SORCS2: variants seen among roughly 807,000 people sequenced by gnomAD.
SORCS2 encodes the protein VPS10 domain-containing receptor SorCS2.
In SORCS2, 100 loss-of-function variants were observed where a neutral mutation model predicts 141.6. That is an observed-to-expected ratio of 0.71 (90% CI 0.60 to 0.83). The LOEUF is 0.83. SORCS2 is among the 40% of genes least tolerant of loss of function. The pLI is 0.00. For synonymous variants in SORCS2, 789 were observed against 676.9 expected (o/e 1.17, Z -2.57); for missense variants, 1,646 against 1,560.2 (o/e 1.05, Z -0.93).
rs549426234 is a variant in SORCS2 at position 7,681,727 on chromosome 4, G to A, written c.1342-1016G>A. Reference sequence around the variant, plus strand: ...CTCCCCATAAGGACCTGCTGGAGTTGTGAGAATTCAGTGAGAGGACACATT... The same window carrying A: ...CTCCCCATAAGGACCTGCTGGAGTTATGAGAATTCAGTGAGAGGACACATT... On this transcript the variant is annotated intron_variant, in intron 9 of 26. Coordinates refer to ENST00000507866, the MANE Select transcript of SORCS2 (RefSeq NM_020777.3). Among the ~76,000 whole-genome samples, 45 of 152,328 alleles carry A rather than the reference G, an allele frequency of 3.0e-4. No individual in the cohort carries two copies. The Middle Eastern group carries it at 0.01, about 35-fold the overall frequency.
chr4:7,714,512 C>T, intron 16 of SORCS2, 139 bp downstream of exon 16: 1 of 933,950 alleles, frequency 1.1e-6, no homozygotes, highest in East Asian at 2.7e-5. Context: ...ACTGCCACTT[C>T]TGCCTCATTC....
rs937731164 is a variant in SORCS2, at chr4:7,289,475, A to G, written c.480+96349A>G. Among the ~76,000 whole-genome samples, 7 of 152,164 alleles carry G rather than the reference A, an allele frequency of 4.6e-5. No homozygotes were observed. In the South Asian group the frequency reaches 1.0e-3, roughly 23 times the overall value. On this transcript the variant is annotated intron_variant, in intron 1 of 26. Transcript: ENST00000507866. ...AGCACTGAGTGGGTGCTCAGTCAATATCTGCTGATAGGATACAGGCTCCTA... is the reference window on the plus strand; with the variant it reads ...AGCACTGAGTGGGTGCTCAGTCAATGTCTGCTGATAGGATACAGGCTCCTA...
At chr4:7,656,493 G>T (rs916808998) in intron 5 of SORCS2, among the ~76,000 whole-genome samples, 1 of 152,190 alleles carries the variant, frequency 6.6e-6, no homozygotes, top group African/African-American at 2.4e-5. Flanking sequence ...TGAGGCTCGG[G>T]CACGCATTCT....
intron 15 of SORCS2, among the ~76,000 whole-genome samples, chr4:7,713,767 G>A (rs1010705382): frequency 1.3e-5 from 2 of 152,188 alleles, no homozygotes; most frequent in African/African-American, 2.4e-5. Flanking sequence ...CCTAGGAGGA[G>A]GTTTAGGAGC....
At chr4:7,586,505 ATG>A (rs1157506090) in intron 3 of SORCS2, among the ~76,000 whole-genome samples, 3 of 151,872 alleles carry the variant, frequency 2.0e-5, no homozygotes, top group Non-Finnish European at 2.9e-5. Context: ...AGGCCTCTAT[ATG>A]TGTTATTTCC....
chr4:7,259,262 AG>A (rs1385269435), intron 1 of SORCS2, among the ~76,000 whole-genome samples: 2 of 152,220 alleles, frequency 1.3e-5, no homozygotes, highest in Admixed American at 6.5e-5. Context: ...TCAATTAAAA[AG>A]TGATGCAATC....
chr4:7,282,401 G>A (rs1240800140), intron 1 of SORCS2, among the ~76,000 whole-genome samples: 1 of 152,214 alleles, frequency 6.6e-6, no homozygotes, highest in Admixed American at 6.5e-5. Context: ...CAATGCATAA[G>A]CCTGTATAAT....
At chr4:7,421,620 T>C (rs1325846765) in intron 2 of SORCS2, among the ~76,000 whole-genome samples, 2 of 152,046 alleles carry the variant, frequency 1.3e-5, no homozygotes, top group East Asian at 3.9e-4. Context: ...CCCCCATAAC[T>C]CCCTTTGTGT....
chr4:7,564,328 G>A, intron 3 of SORCS2, among the ~76,000 whole-genome samples: 1 of 152,188 alleles, frequency 6.6e-6, no homozygotes, highest in Non-Finnish European at 1.5e-5. Flanking sequence ...CTGGTGGCTG[G>A]CTGACTGTCC....
chr4:7,633,315 C>G (rs11729483), intron 3 of SORCS2, among the ~76,000 whole-genome samples: 1 of 152,114 alleles, frequency 6.6e-6, no homozygotes, highest in Non-Finnish European at 1.5e-5. Flanking sequence ...TGAAGCTGGA[C>G]GAGAGGCGGA....
At chr4:7,328,295 C>G (rs1719415697) in intron 1 of SORCS2, among the ~76,000 whole-genome samples, 1 of 151,842 alleles carries the variant, frequency 6.6e-6, no homozygotes, top group African/African-American at 2.4e-5. Context: ...CTTGGCCTCC[C>G]AAAGTGCTGG....
chr4:7,370,174 A>G (rs1015397940), intron 1 of SORCS2, among the ~76,000 whole-genome samples: 1 of 151,482 alleles, frequency 6.6e-6, no homozygotes, highest in Non-Finnish European at 1.5e-5. Flanking sequence ...TTCCTGGGGG[A>G]GACTGTGCCC....
chr4:7,375,856 AT>A (rs1722607221), intron 1 of SORCS2, among the ~76,000 whole-genome samples: 1 of 152,102 alleles, frequency 6.6e-6, no homozygotes, highest in Admixed American at 6.5e-5. Context: ...CCTGTGTCTC[AT>A]TCAAGTCACT....
intron 3 of SORCS2, among the ~76,000 whole-genome samples, chr4:7,628,596 A>C (rs954992982): frequency 3.3e-5 from 5 of 151,640 alleles, no homozygotes; most frequent in African/African-American, 9.7e-5. Flanking sequence ...TCGTGGCCTG[A>C]GCACCGACTA....
chr4:7,720,184 C>CT (rs1165459458), intron 18 of SORCS2, among the ~76,000 whole-genome samples: 1 of 152,134 alleles, frequency 6.6e-6, no homozygotes, highest in Admixed American at 6.5e-5. Flanking sequence ...TTAGGGGAGT[C>CT]TAAGTTTTGT....
intron 1 of SORCS2, among the ~76,000 whole-genome samples, chr4:7,376,436 G>T (rs1722661120): frequency 6.6e-6 from 1 of 152,164 alleles, no homozygotes; most frequent in South Asian, 2.1e-4. Context: ...AATTAGCCGG[G>T]TGTGGTGGTG....
intron 1 of SORCS2, among the ~76,000 whole-genome samples, chr4:7,240,675 C>A (rs1299818466): frequency 6.6e-6 from 1 of 152,288 alleles, no homozygotes; most frequent in East Asian, 1.9e-4. Context: ...ATGGCCTTCA[C>A]TTTCTAGCCC....
At chr4:7,425,019 G>C (rs1329491202) in intron 2 of SORCS2, among the ~76,000 whole-genome samples, 1 of 152,234 alleles carries the variant, frequency 6.6e-6, no homozygotes, top group Non-Finnish European at 1.5e-5. Flanking sequence ...TGCCCCATCT[G>C]TGGGCCGAGC....
intron 1 of SORCS2, among the ~76,000 whole-genome samples, chr4:7,349,670 C>T (rs1013989232): frequency 2.6e-5 from 4 of 152,216 alleles, no homozygotes; most frequent in African/African-American, 7.2e-5. Context: ...GGACGTGAGG[C>T]TCACCCAGTG....
Sources: allele counts gnomAD v4.1 joint callset (sites outside exome capture counted in the v4.1 genomes callset), GRCh38; gene constraint gnomAD v4.1.1; transcripts MANE v1.5; gene names NCBI Gene and HGNC (gene_info 2026-07-23, HGNC 2026-07-21).